The following HPSE variants were observed in gnomAD, a reference collection of about 807,000 sequenced individuals.
The protein encoded by HPSE is heparanase, also known as endo-glucoronidase.
A neutral mutation model predicts 65.1 loss-of-function variants in HPSE; 48 were observed. The observed-to-expected ratio is 0.74, with a 90% CI of 0.58 to 0.94. HPSE has a LOEUF of 0.94. Ranked by LOEUF, HPSE falls within the 40% of genes least tolerant of loss-of-function variation. The pLI is 0.00. For synonymous variants in HPSE, 243 were observed against 260.0 expected, an observed-to-expected ratio of 0.93 and a Z score of 0.63; for missense variants, 644 against 637.5, an observed-to-expected ratio of 1.01 and a Z score of -0.11.
chr4:83,309,612 G>C, intron 6 of HPSE, 117 bp from the exon 7 acceptor site: 1 of 670,390 alleles, frequency 1.5e-6, no homozygotes, highest in Non-Finnish European at 2.6e-6. Context: ...ACTAAAAAAA[G>C]GTAGAAGTTC....
rs767389165 is a variant in HPSE at position 83,306,127 on chromosome 4, A to G, written c.1206+76T>C. On this transcript the variant is annotated intron_variant, in intron 9 of 11. Coordinates refer to ENST00000311412, the MANE Select transcript of HPSE (RefSeq NM_001098540.3). ...TAGTTACTGAGAGGACTGACTGTTC[A>G]TAGGAGGTTAACACCAGAGGTCCTG... is the stretch of plus-strand genomic sequence containing the variant. The G allele has an allele frequency of 7.2e-5, 59 of 820,930 alleles. No homozygotes were observed. In the South Asian group the frequency reaches 7.7e-4, roughly 11 times the overall value. The allele number at this position is 820,930 out of a possible 1,614,324, so 50.9% of individuals were successfully genotyped here. A position where few individuals can be genotyped will look rare whatever the true frequency, so the allele number is the denominator to read the frequency against.
rs2126183401 is a variant in HPSE at position 83,301,020 on chromosome 4, G to A, written c.1412C>T (p.Ser471Phe). 2 of 1,608,656 alleles carry A rather than the reference G, an allele frequency of 1.2e-6. No homozygotes were observed. Among genetic ancestry groups the A allele is most frequent in the Non-Finnish European group, 1.7e-6 (2 of 1,176,014 alleles). The part of the protein sequence containing the change: ...TKYLRLPYPF[S>F]NKQVDKYLLR... ...AAGGTATTTATCCACTTGCTTGTTA[G>A]AAAAAGGATAGGGTAACCGCAAGTA... The change falls in exon 11 of 12, where the codon TCT becomes TTT. Residue 471 changes from serine to phenylalanine, a missense_variant. Transcript: ENST00000311412.
chr4:83,302,379 T>A (rs944089834), intron 9 of HPSE, 111 bp from the exon 10 acceptor site: 2 of 674,426 alleles, frequency 3.0e-6, no homozygotes, highest in Non-Finnish European at 5.2e-6. Context: ...ATCACTGTTA[T>A]CCTGGGGGCA....
rs1223750996 is a variant in HPSE at position 83,294,421 on chromosome 4, TTA to T, written c.*921_*922del. 2 of 152,086 alleles carry T rather than the reference TTA, an allele frequency of 1.3e-5. No homozygotes were observed. The highest frequency in any genetic ancestry group is 4.8e-5 in the African/African-American group (2 of 41,384). 9.4% of individuals were successfully genotyped at this position (152,086 alleles called of 1,614,324 possible). On this transcript the variant is annotated 3_prime_UTR_variant, in exon 12 of 12. Transcript: ENST00000311412. ...TGGCTAATCGCTGTCCCCACAGGTATTATAGTCTTTCGCTGACTAGCAACACT... is the reference window on the plus strand; with the variant it reads ...TGGCTAATCGCTGTCCCCACAGGTATTAGTCTTTCGCTGACTAGCAACACT...
intron 10 of HPSE, among the ~76,000 whole-genome samples, chr4:83,301,364 C>T (rs1735942347): frequency 6.6e-6 from 1 of 152,148 alleles, no homozygotes; most frequent in Non-Finnish European, 1.5e-5. Flanking sequence ...CTAGAGCACA[C>T]TGAGATCCTC....
At chr4:83,319,907 C>T (rs1289532361) in intron 2 of HPSE, among the ~76,000 whole-genome samples, 1 of 151,646 alleles carries the variant, frequency 6.6e-6, no homozygotes, top group African/African-American at 2.4e-5. Context: ...TAAAATACAG[C>T]TACTCAGGAG....
At position 83,326,309 on chromosome 4, in the gene HPSE, C is replaced by T. The variant is rs1021791044; in HGVS notation, c.228-3945G>A. ...TCCTGGCCTCAAATGATCCACCTGC[C>T]TCAGCCTCCCAAAGTGCTGGGATTA... is the stretch of plus-strand genomic sequence containing the variant. On this transcript the variant is annotated intron_variant, in intron 1 of 11. Coordinates refer to ENST00000311412, the MANE Select transcript of HPSE (RefSeq NM_001098540.3). The surrounding 1 kb of genome is among the most constrained non-coding windows in gnomAD (Gnocchi z 4.2). Among the ~76,000 whole-genome samples, 3 of 152,182 alleles carry T rather than the reference C, an allele frequency of 2.0e-5. No individual in the cohort carries two copies. The highest frequency in any genetic ancestry group is 2.0e-4 in the Admixed American group (3 of 15,282).
intron 1 of HPSE, 41 bp downstream of exon 1, chr4:83,334,515 G>C (rs1339119464): frequency 6.5e-7 from 1 of 1,535,610 alleles, no homozygotes; most frequent in Non-Finnish European, 8.8e-7. Context: ...TAGGTGTCAG[G>C]AGGACAGGAA....
rs1400152073 is a variant in HPSE at position 83,326,383 on chromosome 4, T to C, written c.228-4019A>G. Among the ~76,000 whole-genome samples, 1 of 152,148 alleles carries C rather than the reference T, an allele frequency of 6.6e-6. No individual in the cohort carries two copies. The highest frequency in any genetic ancestry group is 1.5e-5 in the Non-Finnish European group (1 of 68,034). On this transcript the variant is annotated intron_variant, in intron 1 of 11. Transcript: ENST00000311412. The surrounding 1 kb of genome is among the most constrained non-coding windows in gnomAD (Gnocchi z 4.2). ...CCTAGATTTGATTATTAATTGGATGTTGAGGAGGAGTCAAGGATTACTCCT... is the reference window on the plus strand; with the variant it reads ...CCTAGATTTGATTATTAATTGGATGCTGAGGAGGAGTCAAGGATTACTCCT...
In HPSE at chr4:83,334,818, C is replaced by A. The variant is rs1015125320; in HGVS notation, c.-36G>T. 6.7e-7 allele frequency: 1 copy of A among 1,481,544 alleles called. No individual in the cohort carries two copies. The highest frequency in any genetic ancestry group is 8.9e-7 in the Non-Finnish European group (1 of 1,117,364). The allele number at this position is 1,481,544 out of a possible 1,614,324, so 91.8% of individuals were successfully genotyped here. On this transcript the variant is annotated 5_prime_UTR_variant, in exon 1 of 12. Coordinates refer to ENST00000311412, the MANE Select transcript of HPSE (RefSeq NM_001098540.3). ...CCTGGCTGCTCCCCCCGCCAGCTGC[C>A]GCGCAGCGGAGAGTCGAGAGCTCTA...
At chr4:83,302,618 C>T (rs1025132836) in intron 9 of HPSE, among the ~76,000 whole-genome samples, 18 of 152,318 alleles carry the variant, frequency 1.2e-4, no homozygotes, top group African/African-American at 4.1e-4. Flanking sequence ...CACACACATA[C>T]ACAAACACAT....
At chr4:83,322,064 T>TC (rs1428853955) in intron 2 of HPSE, among the ~76,000 whole-genome samples, 155 bp downstream of exon 2, 1 of 128,208 alleles carries the variant, frequency 7.8e-6, no homozygotes, top group Non-Finnish European at 1.6e-5. Context: ...GCCCACTGCC[T>TC]CCTCCTCTTG....
chr4:83,319,321 C>T, intron 3 of HPSE, 23 bp downstream of exon 3: 6 of 1,613,014 alleles, frequency 3.7e-6, no homozygotes, highest in Non-Finnish European at 5.1e-6. Context: ...TGGAACATCT[C>T]TAGGGTGCCT....
rs533372777 is a variant in HPSE at position 83,334,423 on chromosome 4, G to C, written c.227+133C>G. The C allele has an allele frequency of 1.3e-4, 128 of 988,372 alleles. 2 individuals carry two copies. In the African/African-American group the frequency reaches 2.0e-3, roughly 15 times the overall value. The allele number at this position is 988,372 out of a possible 1,614,324, so 61.2% of individuals were successfully genotyped here. On this transcript the variant is annotated intron_variant, in intron 1 of 11. Coordinates refer to ENST00000311412, the MANE Select transcript of HPSE (RefSeq NM_001098540.3). The stretch of plus-strand genomic sequence containing the variant: ...AGAGGGAGAATGAGAGGCGGGAAGT[G>C]GGGTGGGGAGAGACAGGCGGGGAGG...
rs1307884742 is a variant in HPSE, at chr4:83,326,737, T to A, written c.228-4373A>T. Among the ~76,000 whole-genome samples the A allele has an allele frequency of 2.0e-5, 3 of 152,202 alleles. No individual in the cohort carries two copies. The highest frequency in any genetic ancestry group is 4.4e-5 in the Non-Finnish European group (3 of 68,032). On this transcript the variant is annotated intron_variant, in intron 1 of 11. Transcript: ENST00000311412. The surrounding 1 kb of genome is among the most constrained non-coding windows in gnomAD (Gnocchi z 4.2). ...AGAGAACCACTCCAGGCTGGCCCTG[T>A]TCCACTGCCTTCAGCCAGGCACTGA...
intron 9 of HPSE, among the ~76,000 whole-genome samples, chr4:83,305,225 A>T (rs1056618663): frequency 6.6e-6 from 1 of 152,244 alleles, no homozygotes; most frequent in African/African-American, 2.4e-5. Context: ...TGGATGAGAT[A>T]AAAAGGTCAG....
chr4:83,334,808 C>G lies in HPSE; in HGVS notation c.-26G>C, dbSNP rs772630458. ...CTTGGGCTCACCTGGCTGCTCCCCC[C>G]GCCAGCTGCCGCGCAGCGGAGAGTC... is the stretch of plus-strand genomic sequence containing the variant. On this transcript the variant is annotated 5_prime_UTR_variant, in exon 1 of 12. Transcript: ENST00000311412. The G allele has an allele frequency of 8.1e-6, 12 of 1,486,324 alleles. No homozygotes were observed. The highest frequency in any genetic ancestry group is 7.4e-5 in the East Asian group (3 of 40,308). 92.1% of individuals were successfully genotyped at this position (1,486,324 alleles called of 1,614,324 possible). A position where few individuals can be genotyped will look rare whatever the true frequency, so the allele number is the denominator to read the frequency against.
intron 1 of HPSE, among the ~76,000 whole-genome samples, chr4:83,325,124 C>G (rs865975550): frequency 7.1e-6 from 1 of 141,378 alleles, no homozygotes; most frequent in South Asian, 2.3e-4. Context: ...TTAAATTATA[C>G]AACTTGGTGT....
At chr4:83,314,261 A>C (rs1736537684) in intron 3 of HPSE, among the ~76,000 whole-genome samples, 1 of 53,222 alleles carries the variant, frequency 1.9e-5, no homozygotes, top group Non-Finnish European at 3.7e-5. Context: ...CTGTCTCAAA[A>C]AAAAAAACAA....
Sources: gnomAD v4.1 joint callset for allele counts (sites outside exome capture counted in the v4.1 genomes callset) on GRCh38, gnomAD v4.1.1 for gene constraint, Gnocchi (gnomAD v3.1) non-coding constraint, MANE v1.5 for transcripts, NCBI Gene and HGNC (gene_info 2026-07-23, HGNC 2026-07-21) for gene names.